GALNT11: variants seen among roughly 807,000 people sequenced by gnomAD.
The protein encoded by GALNT11 is polypeptide N-acetylgalactosaminyltransferase 11, also known as UDP-GalNAc:polypeptide N-acetylgalactosaminyltransferase 11.
A neutral mutation model predicts 72.7 loss-of-function variants in GALNT11; 47 were observed. The ratio of observed to expected loss-of-function variants is 0.65; its 90% CI spans 0.51 to 0.82. The LOEUF (loss-of-function observed/expected upper bound fraction) is 0.82. GALNT11 is among the 40% of genes least tolerant of loss of function. The pLI, the probability that GALNT11 is intolerant of heterozygous loss-of-function variation, is 0.00. For missense variants in GALNT11, 677 were observed against 778.4 expected (o/e 0.87, Z 1.55); for synonymous variants, 270 against 286.6 (o/e 0.94, Z 0.58).
At chr7:152,091,310 G>A (rs764783399) in intron 1 of GALNT11, among the ~76,000 whole-genome samples, 70 of 151,870 alleles carry the variant, frequency 4.6e-4, no homozygotes, top group African/African-American at 1.5e-3. Flanking sequence ...GCGCGATCTC[G>A]GCTCACTGCA....
chr7:152,106,541 G>T (rs1182327395), intron 5 of GALNT11, among the ~76,000 whole-genome samples: 2 of 152,136 alleles, frequency 1.3e-5, no homozygotes, highest in Non-Finnish European at 2.9e-5. Flanking sequence ...TAGGTTTCTA[G>T]TCATGTAAAA....
chr7:152,092,801 T>C (rs1314304008), intron 1 of GALNT11, among the ~76,000 whole-genome samples: 1 of 152,226 alleles, frequency 6.6e-6, no homozygotes, highest in Non-Finnish European at 1.5e-5. Flanking sequence ...TGCAGTTTTC[T>C]TATGTATCTA....
At chr7:152,044,553 A>G (rs1219235730) in intron 1 of GALNT11, among the ~76,000 whole-genome samples, 1 of 152,136 alleles carries the variant, frequency 6.6e-6, no homozygotes, top group East Asian at 1.9e-4. Context: ...ATTTGTGGCT[A>G]TTGTAAATGG....
intron 1 of GALNT11, among the ~76,000 whole-genome samples, chr7:152,087,303 T>C (rs1163967170): frequency 6.6e-6 from 1 of 152,186 alleles, no homozygotes; most frequent in Admixed American, 6.5e-5. Flanking sequence ...GAAGAAGATA[T>C]TCGAGCAAAG....
At chr7:152,026,310 G>A (rs2082010939) in intron 1 of GALNT11, among the ~76,000 whole-genome samples, 1 of 152,158 alleles carries the variant, frequency 6.6e-6, no homozygotes, top group Non-Finnish European at 1.5e-5. Flanking sequence ...ATTTAATCTC[G>A]GGACCCCAAA....
chr7:152,104,923 G>A (rs966143074), intron 4 of GALNT11: 9 of 164,838 alleles, frequency 5.5e-5, no homozygotes, highest in Non-Finnish European at 1.2e-4. Context: ...ATTTATATAT[G>A]GTCAGCTGAA....
intron 1 of GALNT11, among the ~76,000 whole-genome samples, chr7:152,050,524 G>A (rs560598673): frequency 7.2e-5 from 11 of 152,250 alleles, no homozygotes; most frequent in East Asian, 3.9e-4. Context: ...TTACTCTTCC[G>A]TCTCCTTTCC....
chr7:152,118,913 G>A (rs752001673), intron 10 of GALNT11, 131 bp downstream of exon 10: 13 of 630,894 alleles, frequency 2.1e-5, no homozygotes, highest in Non-Finnish European at 3.1e-5. Context: ...TCTGTGTAGT[G>A]TTGCGTTATT....
At chr7:152,099,858 G>A (rs1358645504) in intron 2 of GALNT11, among the ~76,000 whole-genome samples, 1 of 145,880 alleles carries the variant, frequency 6.9e-6, no homozygotes, top group Non-Finnish European at 1.5e-5. Flanking sequence ...TTGATGTCCT[G>A]GGCTCAAGCA....
chr7:152,084,365 G>A (rs1022113888), intron 1 of GALNT11, among the ~76,000 whole-genome samples: 1 of 142,366 alleles, frequency 7.0e-6, no homozygotes, highest in Non-Finnish European at 1.5e-5. Context: ...GCAACAGAGG[G>A]AGACCCTGTC....
chr7:152,109,300 G>T (rs1044198103), intron 6 of GALNT11, among the ~76,000 whole-genome samples: 6 of 152,332 alleles, frequency 3.9e-5, no homozygotes, highest in African/African-American at 1.4e-4. Flanking sequence ...GTTGGCAATA[G>T]CAGACATATA....
intron 5 of GALNT11, among the ~76,000 whole-genome samples, chr7:152,105,986 T>G (rs1373760783): frequency 6.7e-6 from 1 of 149,552 alleles, no homozygotes; most frequent in Non-Finnish European, 1.5e-5. Context: ...AAATTCAGTC[T>G]TCTGCAGAAA....
At chr7:152,033,057 C>G (rs976200963) in intron 1 of GALNT11, among the ~76,000 whole-genome samples, 1 of 152,178 alleles carries the variant, frequency 6.6e-6, no homozygotes, top group Non-Finnish European at 1.5e-5. Context: ...GTTAAATGTA[C>G]CCGGGGCTCA....
At chr7:152,050,308 C>T (rs558808518) in intron 1 of GALNT11, among the ~76,000 whole-genome samples, 3 of 152,268 alleles carry the variant, frequency 2.0e-5, no homozygotes, top group South Asian at 2.1e-4. Context: ...GGGGCCCAAG[C>T]GCTCTTTATT....
intron 9 of GALNT11, 72 bp downstream of exon 9, chr7:152,117,447 C>T (rs1204405773): frequency 1.1e-5 from 16 of 1,409,984 alleles, no homozygotes; most frequent in African/African-American, 1.4e-5. Context: ...TGTCCATAAG[C>T]TATGACAGGT....
intron 9 of GALNT11, chr7:152,118,432 G>T (rs776040804): frequency 1.4e-4 from 61 of 427,114 alleles, no homozygotes; most frequent in Non-Finnish European, 2.4e-4. Flanking sequence ...TATGTAGCTA[G>T]AATTCCTAGC....
At chr7:152,031,379 G>A (rs2082297268) in intron 1 of GALNT11, among the ~76,000 whole-genome samples, 1 of 152,204 alleles carries the variant, frequency 6.6e-6, no homozygotes, top group Non-Finnish European at 1.5e-5. Flanking sequence ...GGAGAAAAGT[G>A]GCAGGGTTGA....
In GALNT11 at chr7:152,121,806, G is replaced by C; in HGVS notation, c.*129G>C. The C allele has an allele frequency of 8.4e-7, 1 of 1,189,198 alleles. No individual in the cohort carries two copies. The highest frequency in any genetic ancestry group is 1.5e-5 in the South Asian group (1 of 64,606). 73.7% of individuals were successfully genotyped at this position (1,189,198 alleles called of 1,614,324 possible). On this transcript the variant is annotated 3_prime_UTR_variant, in exon 12 of 12. Coordinates refer to ENST00000430044, the MANE Select transcript of GALNT11 (RefSeq NM_022087.4). ...GAAGATGACAGTTCCCTGTCCTCCC[G>C]GAGATGCCTGGGTGTGTTAGCAGAG...
intron 1 of GALNT11, among the ~76,000 whole-genome samples, chr7:152,092,809 C>T (rs1257483472): frequency 1.3e-5 from 2 of 152,138 alleles, no homozygotes; most frequent in African/African-American, 4.8e-5. Context: ...TCTTATGTAT[C>T]TACATTGCTT....
Sources: gnomAD v4.1 joint callset for allele counts (sites outside exome capture counted in the v4.1 genomes callset) on GRCh38, gnomAD v4.1.1 for gene constraint, MANE v1.5 for transcripts, NCBI Gene and HGNC (gene_info 2026-07-23, HGNC 2026-07-21) for gene names.